IGF1: variants seen among roughly 807,000 people sequenced by gnomAD.
The protein encoded by IGF1 is insulin-like growth factor 1.
IGF1 carries 4 observed loss-of-function variants against 13.8 expected under a neutral mutation model. The observed-to-expected ratio is 0.29, with a 90% CI of 0.14 to 0.66. The LOEUF (loss-of-function observed/expected upper bound fraction) is 0.66, where lower values mean the gene tolerates loss of function less well. Among genes scored for constraint, IGF1 ranks in the 30% least tolerant of loss-of-function variants. The probability of loss-of-function intolerance (pLI) is 0.78; values close to 1 mark genes in which losing one functional copy is unlikely to be tolerated. For synonymous variants in IGF1, 76 were observed against 72.6 expected, an observed-to-expected ratio of 1.05 and a Z score of -0.23; for missense variants, 124 against 188.5, an observed-to-expected ratio of 0.66 and a Z score of 2.00.
At chr12:102,430,050 C>T (rs1007169145) in intron 2 of IGF1, among the ~76,000 whole-genome samples, 2 of 152,132 alleles carry the variant, frequency 1.3e-5, no homozygotes, top group Admixed American at 6.5e-5. Context: ...GCTTGTGGGC[C>T]ATTTTATTTC....
intron 2 of IGF1, among the ~76,000 whole-genome samples, chr12:102,435,819 G>A (rs1254421371): frequency 1.3e-5 from 2 of 152,156 alleles, no homozygotes; most frequent in Admixed American, 6.5e-5. Context: ...ATTAAAACAC[G>A]ATCAACAGGC....
At chr12:102,450,541 T>C (rs1444995766) in intron 2 of IGF1, among the ~76,000 whole-genome samples, 1 of 152,222 alleles carries the variant, frequency 6.6e-6, no homozygotes, top group Non-Finnish European at 1.5e-5. Context: ...GATTTTTCAA[T>C]CTCTTCTTCG....
intron 2 of IGF1, among the ~76,000 whole-genome samples, chr12:102,455,677 G>A (rs1314099173): frequency 6.6e-6 from 1 of 152,186 alleles, no homozygotes; most frequent in Non-Finnish European, 1.5e-5. Flanking sequence ...CATGAGGCAA[G>A]TTGGGCAGAC....
chr12:102,480,698 G>T, upstream of IGF1: 1 of 881,260 alleles, frequency 1.1e-6, no homozygotes, highest in Non-Finnish European at 1.6e-6. Context: ...TTTTGGGCAT[G>T]GTGACAAATA....
chr12:102,462,695 A>G (rs1880006529), intron 2 of IGF1: 1 of 152,212 alleles, frequency 6.6e-6, no homozygotes, highest in Non-Finnish European at 1.5e-5. Flanking sequence ...TGATCTTCTC[A>G]AAATTCATCC....
At chr12:102,465,314 G>A (rs17886520) in intron 2 of IGF1, among the ~76,000 whole-genome samples, 118 of 152,262 alleles carry the variant, frequency 7.7e-4, no homozygotes, top group African/African-American at 2.4e-3. Context: ...ATGGCCCTTC[G>A]TTTCCAAAGC....
At chr12:102,437,709 A>G (rs1877365033) in intron 2 of IGF1, among the ~76,000 whole-genome samples, 1 of 152,242 alleles carries the variant, frequency 6.6e-6, no homozygotes, top group African/African-American at 2.4e-5. Context: ...CTATTGCACA[A>G]TAGGGTGACT....
intron 3 of IGF1, among the ~76,000 whole-genome samples, chr12:102,411,293 T>C (rs1294144519): frequency 6.6e-6 from 1 of 152,218 alleles, no homozygotes; most frequent in East Asian, 1.9e-4. Flanking sequence ...AACTCTACAA[T>C]TGTCGGCTGA....
chr12:102,417,387 G>T, intron 3 of IGF1: 1 of 274,726 alleles, frequency 3.6e-6, no homozygotes, highest in Non-Finnish European at 5.6e-6. Flanking sequence ...ATTCAGTCTT[G>T]CTGAGCATTT....
At position 102,400,628 on chromosome 12, in the gene IGF1, G is replaced by A. The variant is rs1465703848; in HGVS notation, c.*1879C>T. 1 of 152,042 alleles carries A rather than the reference G, an allele frequency of 6.6e-6. No individual in the cohort carries two copies. The highest frequency in any genetic ancestry group is 6.6e-5 in the Admixed American group (1 of 15,256). 9.4% of individuals were successfully genotyped at this position (152,042 alleles called of 1,614,324 possible). On this transcript the variant is annotated 3_prime_UTR_variant, in exon 4 of 4. Coordinates refer to ENST00000337514, the MANE Select transcript of IGF1 (RefSeq NM_000618.5). ...AAGATAACTTTGTGACTTTTTATTA[G>A]ATATTATTTTAATATTTCAAATTTT...
At chr12:102,435,932 A>T (rs538987280) in intron 2 of IGF1, among the ~76,000 whole-genome samples, 1 of 152,058 alleles carries the variant, frequency 6.6e-6, no homozygotes, top group African/African-American at 2.4e-5. Flanking sequence ...TGCAATATCA[A>T]CTCCTAATAT....
intron 2 of IGF1, among the ~76,000 whole-genome samples, chr12:102,453,072 T>C (rs568206130): frequency 1.3e-5 from 2 of 152,342 alleles, no homozygotes; most frequent in East Asian, 1.9e-4. Flanking sequence ...GAAAGGAGTC[T>C]TCTCAGAAAT....
chr12:102,431,075 G>C (rs1375164079), intron 2 of IGF1, among the ~76,000 whole-genome samples: 2 of 152,150 alleles, frequency 1.3e-5, no homozygotes, highest in Non-Finnish European at 2.9e-5. Flanking sequence ...ATCTGGGTTA[G>C]TCATCTGTGG....
At chr12:102,406,522 C>A (rs1185958131) in intron 3 of IGF1, among the ~76,000 whole-genome samples, 1 of 152,166 alleles carries the variant, frequency 6.6e-6, no homozygotes, top group East Asian at 1.9e-4. Flanking sequence ...CTATTGACAC[C>A]AACGAAGGTA....
chr12:102,404,958 C>G (rs765514527), intron 3 of IGF1, among the ~76,000 whole-genome samples: 7 of 151,978 alleles, frequency 4.6e-5, no homozygotes, highest in Non-Finnish European at 1.0e-4. Flanking sequence ...GGGGTTTCAC[C>G]ATATTGGCCA....
At chr12:102,477,476 C>T (rs1881128042) in intron 1 of IGF1, among the ~76,000 whole-genome samples, 1 of 151,688 alleles carries the variant, frequency 6.6e-6, no homozygotes, top group Admixed American at 6.6e-5. Flanking sequence ...GGAAATCTTC[C>T]ACCCCCTACA....
intron 2 of IGF1, among the ~76,000 whole-genome samples, chr12:102,432,967 G>A (rs373497956): frequency 2.1e-4 from 32 of 152,180 alleles, no homozygotes; most frequent in African/African-American, 7.5e-4. Flanking sequence ...AGGGAGAGAG[G>A]TTCAACACAC....
intron 2 of IGF1, among the ~76,000 whole-genome samples, chr12:102,420,612 T>C (rs1336339530): frequency 6.6e-6 from 1 of 152,136 alleles, no homozygotes; most frequent in Non-Finnish European, 1.5e-5. Context: ...ACCAATCTAG[T>C]AGGGCTCCCT....
At chr12:102,477,535 A>T (rs189370918) in intron 1 of IGF1, among the ~76,000 whole-genome samples, 5 of 140,618 alleles carry the variant, frequency 3.6e-5, no homozygotes, top group South Asian at 2.3e-4. Flanking sequence ...TCCAGTTCTC[A>T]TTTTTTTTTT....
Sources: gnomAD v4.1 joint callset for allele counts (sites outside exome capture counted in the v4.1 genomes callset) on GRCh38, gnomAD v4.1.1 for gene constraint, MANE v1.5 for transcripts, NCBI Gene and HGNC (gene_info 2026-07-23, HGNC 2026-07-21) for gene names.